The following PTPRK variants were observed in gnomAD, a reference collection of about 807,000 sequenced individuals.
The protein encoded by PTPRK is receptor-type tyrosine-protein phosphatase kappa.
In PTPRK, 75 loss-of-function variants were observed where a neutral mutation model predicts 178.0. That is an observed-to-expected ratio of 0.42 (90% CI 0.35 to 0.51). The LOEUF (loss-of-function observed/expected upper bound fraction) is 0.51. Among genes scored for constraint, PTPRK ranks in the 20% least tolerant of loss-of-function variants. The probability of loss-of-function intolerance (pLI) is 0.02; values close to 1 mark genes in which losing one functional copy is unlikely to be tolerated. For synonymous variants in PTPRK, 637 were observed against 620.6 expected, an observed-to-expected ratio of 1.03 and a Z score of -0.39; for missense variants, 1,441 against 1,797.8, an observed-to-expected ratio of 0.80 and a Z score of 3.59.
chr6:128,016,327 C>T (rs1779588681), intron 13 of PTPRK, among the ~76,000 whole-genome samples: 1 of 151,818 alleles, frequency 6.6e-6, no homozygotes, highest in Non-Finnish European at 1.5e-5. Context: ...AGAGTATGAG[C>T]TAAGTATAGT....
At chr6:128,256,911 A>T (rs1478576023) in intron 3 of PTPRK, among the ~76,000 whole-genome samples, 1 of 152,196 alleles carries the variant, frequency 6.6e-6, no homozygotes, top group Non-Finnish European at 1.5e-5. Context: ...TTTGTAGAAC[A>T]TCTAGTTAGG....
intron 1 of PTPRK, among the ~76,000 whole-genome samples, chr6:128,414,560 A>G (rs1173257412): frequency 6.6e-6 from 1 of 152,224 alleles, no homozygotes; most frequent in East Asian, 1.9e-4. Context: ...CAAATAGGTG[A>G]GAAGTTGGAT....
chr6:128,326,833 C>T lies in PTPRK; in HGVS notation c.224-4523G>A, dbSNP rs141437991. Reference sequence around the variant, plus strand: ...ATAATGAATAGGCATTAGATTTGCACATTTTTATTAAAACAGAGACTACAT... The same window carrying T: ...ATAATGAATAGGCATTAGATTTGCATATTTTTATTAAAACAGAGACTACAT... On this transcript the variant is annotated intron_variant, in intron 2 of 29. Coordinates refer to ENST00000368226, the MANE Select transcript of PTPRK (RefSeq NM_002844.4). 1.9e-3 allele frequency among the ~76,000 whole-genome samples: 284 copies of T among 152,104 alleles called. 1 individual carries two copies. The highest frequency in any genetic ancestry group is 9.8e-3 in the Admixed American group (149 of 15,270).
chr6:128,433,593 G>A (rs958380391), intron 1 of PTPRK, among the ~76,000 whole-genome samples: 12 of 151,668 alleles, frequency 7.9e-5, no homozygotes, highest in Admixed American at 6.6e-5. Flanking sequence ...TCAGCTCATT[G>A]CAACCTCTGC....
chr6:128,275,277 T>G (rs1431084468), intron 3 of PTPRK, among the ~76,000 whole-genome samples: 2 of 152,070 alleles, frequency 1.3e-5, no homozygotes, highest in African/African-American at 4.8e-5. Flanking sequence ...TTATAAACAA[T>G]GCTGCAAATA....
chr6:128,183,593 A>C (rs543243591), intron 7 of PTPRK, among the ~76,000 whole-genome samples: 2 of 152,190 alleles, frequency 1.3e-5, no homozygotes, highest in East Asian at 3.9e-4. Flanking sequence ...ATGGTAGCTC[A>C]GTACTCCTGG....
intron 7 of PTPRK, among the ~76,000 whole-genome samples, chr6:128,103,184 G>C (rs1351687031): frequency 1.3e-5 from 2 of 152,022 alleles, no homozygotes; most frequent in East Asian, 3.9e-4. Context: ...GGGAAGGCTG[G>C]AGAGGAGATC....
chr6:128,423,671 T>C (rs1843751012), intron 1 of PTPRK, among the ~76,000 whole-genome samples: 1 of 151,308 alleles, frequency 6.6e-6, no homozygotes, highest in Non-Finnish European at 1.5e-5. Flanking sequence ...CTACTAAAAA[T>C]ACAATACTTA....
At chr6:128,199,870 G>A (rs553053340) in intron 6 of PTPRK, among the ~76,000 whole-genome samples, 6 of 152,236 alleles carry the variant, frequency 3.9e-5, no homozygotes, top group South Asian at 2.1e-4. Context: ...GAGAATCCCC[G>A]AAATCAAAAG....
At chr6:128,189,727 G>A (rs532582111) in intron 6 of PTPRK, among the ~76,000 whole-genome samples, 2 of 151,986 alleles carry the variant, frequency 1.3e-5, no homozygotes, top group Non-Finnish European at 2.9e-5. Flanking sequence ...GTTTTACTCT[G>A]TTTCTTTATA....
intron 3 of PTPRK, among the ~76,000 whole-genome samples, chr6:128,299,667 T>A (rs749557392): frequency 0.093 from 14,060 of 150,976 alleles, 850 homozygotes; most frequent in African/African-American, 0.16. Flanking sequence ...CTGGCTAGCC[T>A]TATGTAGAAA....
intron 21 of PTPRK, among the ~76,000 whole-genome samples, chr6:127,988,280 G>A (rs950484127): frequency 7.0e-6 from 1 of 142,550 alleles, no homozygotes; most frequent in Non-Finnish European, 1.5e-5. Context: ...ATCTGATTCT[G>A]TTATCATCAT....
intron 21 of PTPRK, among the ~76,000 whole-genome samples, chr6:127,986,644 G>A (rs908568728): frequency 4.0e-5 from 6 of 151,838 alleles, no homozygotes; most frequent in Non-Finnish European, 5.9e-5. Flanking sequence ...AAATATTGCC[G>A]AATTTATTTT....
chr6:128,446,280 A>C (rs1847012299), intron 1 of PTPRK, among the ~76,000 whole-genome samples: 1 of 152,232 alleles, frequency 6.6e-6, no homozygotes, highest in South Asian at 2.1e-4. Context: ...ATTTAATAGA[A>C]GCCACGGGGG....
At chr6:128,020,063 T>C (rs999192253) in intron 13 of PTPRK, among the ~76,000 whole-genome samples, 2 of 151,900 alleles carry the variant, frequency 1.3e-5, no homozygotes, top group African/African-American at 4.8e-5. Flanking sequence ...AGAATAACAA[T>C]AGGATGAAAT....
intron 2 of PTPRK, among the ~76,000 whole-genome samples, chr6:128,375,058 C>CATCATTATTATT (rs374912859): frequency 1.4e-4 from 19 of 132,282 alleles, no homozygotes; most frequent in East Asian, 6.5e-4. Context: ...AGAAACACTG[C>CATCATTATTATT]ATTATTATTA....
chr6:128,508,937 A>C (rs1372140005), intron 1 of PTPRK, among the ~76,000 whole-genome samples: 1 of 143,116 alleles, frequency 7.0e-6, no homozygotes, highest in Non-Finnish European at 1.5e-5. Context: ...ATAAGTGCGA[A>C]ACTCCATCTC....
chr6:128,493,209 TTAAA>T (rs1473694198), intron 1 of PTPRK, among the ~76,000 whole-genome samples: 1 of 152,120 alleles, frequency 6.6e-6, no homozygotes, highest in African/African-American at 2.4e-5. Context: ...AAACTGGAAA[TTAAA>T]ACTGCAATTT....
At chr6:128,228,540 G>A (rs1356551818) in intron 5 of PTPRK, among the ~76,000 whole-genome samples, 1 of 149,082 alleles carries the variant, frequency 6.7e-6, no homozygotes. Context: ...GGCGCCTGTA[G>A]TTCCAGCTAC....
Sources: allele counts gnomAD v4.1 joint callset (sites outside exome capture counted in the v4.1 genomes callset), GRCh38; gene constraint gnomAD v4.1.1; transcripts MANE v1.5; gene names NCBI Gene and HGNC (gene_info 2026-07-23, HGNC 2026-07-21).